Variants in B3GALNT2 observed in about 807,000 individuals in gnomAD.
The protein encoded by B3GALNT2 is beta-1,3-N-acetylgalactosaminyltransferase 2.
B3GALNT2 carries 53 observed loss-of-function variants against 61.1 expected under a neutral mutation model. That is an observed-to-expected ratio of 0.87 (90% CI 0.70 to 1.09). The LOEUF is 1.09. Ranked by LOEUF, B3GALNT2 falls within the 50% of genes least tolerant of loss-of-function variation. The pLI is 0.00. For missense variants in B3GALNT2, 544 were observed against 623.0 expected, an observed-to-expected ratio of 0.87 and a Z score of 1.35; for synonymous variants, 223 against 237.4, an observed-to-expected ratio of 0.94 and a Z score of 0.56.
At chr1:235,502,171 C>T (rs1358774263) in intron 1 of B3GALNT2, among the ~76,000 whole-genome samples, 2 of 152,180 alleles carry the variant, frequency 1.3e-5, no homozygotes, top group Non-Finnish European at 2.9e-5. Context: ...CACCACTATG[C>T]CCGGCTAATT....
At chr1:235,463,541 T>G (rs1429515028) in intron 7 of B3GALNT2, 1 of 150,674 alleles carries the variant, frequency 6.6e-6, no homozygotes, top group African/African-American at 2.4e-5. Context: ...AAGAACAAGG[T>G]TGGAGGATTC....
Position 235,448,081 on chromosome 1 carries a change from C to T in B3GALNT2, c.*2125G>A, listed in dbSNP as rs1572465848. Among the ~76,000 whole-genome samples the T allele has an allele frequency of 6.6e-6, 1 of 151,958 alleles. No individual in the cohort carries two copies. Among genetic ancestry groups the T allele is most frequent in the East Asian group, 1.9e-4 (1 of 5,174 alleles). On this transcript the variant is annotated 3_prime_UTR_variant, in exon 12 of 12. Transcript: ENST00000366600. ...AAAGTTAGCTGGGTGTGGTGATGGG[C>T]ACCAGCTACTCAGGAGGCTGAGGCA...
intron 4 of B3GALNT2, among the ~76,000 whole-genome samples, chr1:235,482,441 TA>T: frequency 6.6e-6 from 1 of 152,124 alleles, no homozygotes; most frequent in Middle Eastern, 3.4e-3. Flanking sequence ...AAATTCTTCA[TA>T]TAAACTCTAC....
chr1:235,466,176 T>C (rs1683684760), intron 6 of B3GALNT2, among the ~76,000 whole-genome samples: 1 of 151,844 alleles, frequency 6.6e-6, no homozygotes, highest in Non-Finnish European at 1.5e-5. Flanking sequence ...ATATTCAAAT[T>C]GAACTCTACT....
rs546931264 is a variant in B3GALNT2 at position 235,447,884 on chromosome 1, C to T, written c.*2322G>A. ...GGTGGTACAAGACTCAGGCTTTCCC[C>T]TAATTACTTACTTGGGTAAAGTGAC... is the stretch of plus-strand genomic sequence containing the variant. On this transcript the variant is annotated 3_prime_UTR_variant, in exon 12 of 12. Transcript: ENST00000366600. 6.6e-6 allele frequency among the ~76,000 whole-genome samples: 1 copy of T among 152,010 alleles called. No homozygotes were observed. The highest frequency in any genetic ancestry group is 2.4e-5 in the African/African-American group (1 of 41,314).
At chr1:235,474,331 T>C (rs1410597946) in intron 5 of B3GALNT2, among the ~76,000 whole-genome samples, 2 of 152,200 alleles carry the variant, frequency 1.3e-5, no homozygotes, top group East Asian at 3.8e-4. Context: ...AGATATCATA[T>C]CTATCTCTCC....
At chr1:235,481,950 G>A (rs1190351824) in intron 4 of B3GALNT2, among the ~76,000 whole-genome samples, 1 of 152,090 alleles carries the variant, frequency 6.6e-6, no homozygotes, top group Admixed American at 6.6e-5. Context: ...AGGAAGAACA[G>A]GGCAAATTCC....
At chr1:235,501,492 G>A (rs964512574) in intron 1 of B3GALNT2, among the ~76,000 whole-genome samples, 2 of 151,936 alleles carry the variant, frequency 1.3e-5, no homozygotes, top group Admixed American at 6.6e-5. Flanking sequence ...TATCACTACC[G>A]CTGTGATATT....
chr1:235,460,417 T>C (rs2102793178), intron 7 of B3GALNT2, among the ~76,000 whole-genome samples: 1 of 149,644 alleles, frequency 6.7e-6, no homozygotes, highest in South Asian at 2.1e-4. Context: ...GTGCTAAGAT[T>C]ACAGGCATGA....
intron 4 of B3GALNT2, among the ~76,000 whole-genome samples, chr1:235,482,011 T>C (rs1286167620): frequency 1.3e-5 from 2 of 152,236 alleles, no homozygotes; most frequent in Non-Finnish European, 1.5e-5. Context: ...GATGAGTCTC[T>C]AACATTATAT....
chr1:235,470,533 G>A (rs954837911), intron 6 of B3GALNT2, among the ~76,000 whole-genome samples: 2 of 145,138 alleles, frequency 1.4e-5, no homozygotes, highest in African/African-American at 2.6e-5. Context: ...AGCTGTGATC[G>A]TGCTAGTGCA....
chr1:235,455,481 A>C, intron 9 of B3GALNT2, 78 bp downstream of exon 9: 1 of 1,484,148 alleles, frequency 6.7e-7, no homozygotes. Context: ...ATTTTCAAAA[A>C]AAAAAGATAT....
chr1:235,489,651 C>T, intron 2 of B3GALNT2, among the ~76,000 whole-genome samples: 1 of 152,278 alleles, frequency 6.6e-6, no homozygotes, highest in Middle Eastern at 3.4e-3. Context: ...TCCTTTTGCT[C>T]AAGATTAGGT....
intron 5 of B3GALNT2, among the ~76,000 whole-genome samples, chr1:235,472,088 T>C (rs1684035509): frequency 6.6e-6 from 1 of 152,220 alleles, no homozygotes; most frequent in Non-Finnish European, 1.5e-5. Context: ...CCCTCTGAGT[T>C]TTCTATTTTT....
chr1:235,456,811 C>A (rs1438285554), intron 8 of B3GALNT2, among the ~76,000 whole-genome samples: 1 of 152,210 alleles, frequency 6.6e-6, no homozygotes, highest in Non-Finnish European at 1.5e-5. Context: ...TTAGCCCTGA[C>A]TTCCCACCCT....
At chr1:235,501,475 C>G (rs1323730646) in intron 1 of B3GALNT2, among the ~76,000 whole-genome samples, 1 of 152,152 alleles carries the variant, frequency 6.6e-6, no homozygotes, top group East Asian at 1.9e-4. Context: ...TCTTTTTTCC[C>G]TATACTTATC....
In B3GALNT2 at chr1:235,480,940, A is replaced by C. The variant is rs866979372; in HGVS notation, c.556-791T>G. ...AAAAAAAAAAAAAAAAAAAAAAAAA[A>C]AAAAACCGGACTGATTTTCACTATG... is the stretch of plus-strand genomic sequence containing the variant. On this transcript the variant is annotated intron_variant, in intron 4 of 11. Transcript: ENST00000366600. 8.7e-3 allele frequency among the ~76,000 whole-genome samples: 1,188 copies of C among 136,396 alleles called. 16 individuals are homozygous for C. Among genetic ancestry groups the C allele is most frequent in the African/African-American group, 0.031 (1,129 of 36,782 alleles). 89.5% of individuals were successfully genotyped at this position (136,396 alleles called of 152,430 possible). A position where few individuals can be genotyped will look rare whatever the true frequency, so the allele number is the denominator to read the frequency against.
rs548008860 is a variant in B3GALNT2 at position 235,458,209 on chromosome 1, C to T, written c.1025+394G>A. On this transcript the variant is annotated intron_variant, in intron 8 of 11. Coordinates refer to ENST00000366600, the MANE Select transcript of B3GALNT2 (RefSeq NM_152490.5). The stretch of plus-strand genomic sequence containing the variant: ...GCATAAGCCACCAGCCAATTTTTGC[C>T]GTGTTTTTGATAGGTTAATATCACA... Among the ~76,000 whole-genome samples the T allele has an allele frequency of 3.7e-4, 57 of 152,164 alleles. 1 individual carries two copies. Among genetic ancestry groups the T allele is most frequent in the African/African-American group, 1.3e-3 (52 of 41,528 alleles).
At chr1:235,442,911 G>C, downstream of B3GALNT2, 1 of 1,613,920 alleles carries the variant, frequency 6.2e-7, no homozygotes, top group Non-Finnish European at 8.5e-7. Context: ...ACAACTGCCG[G>C]GTAAGAAGAA....
Sources: allele counts gnomAD v4.1 joint callset (sites outside exome capture counted in the v4.1 genomes callset), GRCh38; gene constraint gnomAD v4.1.1; transcripts MANE v1.5; gene names NCBI Gene and HGNC (gene_info 2026-07-23, HGNC 2026-07-21).